The following VGLL3 variants were observed in gnomAD, a reference collection of about 807,000 sequenced individuals.
VGLL3 encodes the protein transcription cofactor vestigial-like protein 3.
In VGLL3, 18 loss-of-function variants were observed where a neutral mutation model predicts 29.2. That is an observed-to-expected ratio of 0.62 (90% CI 0.43 to 0.91). The LOEUF (loss-of-function observed/expected upper bound fraction) is 0.91. Among genes scored for constraint, VGLL3 ranks in the 40% least tolerant of loss-of-function variants. VGLL3 has a pLI of 0.00. For synonymous variants in VGLL3, 180 were observed against 151.8 expected, an observed-to-expected ratio of 1.19 and a Z score of -1.36; for missense variants, 440 against 413.2, an observed-to-expected ratio of 1.06 and a Z score of -0.56.
chr3:86,952,777 A>T lies in VGLL3; in HGVS notation c.938-5710T>A, dbSNP rs541099078. ...TATTACAAAGTTAAATACATACAAC[A>T]CTGTGTCAGATGCTACATCAAAATA... is the stretch of plus-strand genomic sequence containing the variant. On this transcript the variant is annotated intron_variant, in intron 3 of 3. Coordinates refer to ENST00000398399, the MANE Select transcript of VGLL3 (RefSeq NM_016206.4). Among the ~76,000 whole-genome samples, 4 of 152,328 alleles carry T rather than the reference A, an allele frequency of 2.6e-5. No homozygotes were observed. In the South Asian group the frequency reaches 8.3e-4, roughly 32 times the overall value.
At chr3:86,955,526 A>C (rs1478590335) in intron 3 of VGLL3, among the ~76,000 whole-genome samples, 1 of 151,938 alleles carries the variant, frequency 6.6e-6, no homozygotes, top group African/African-American at 2.4e-5. Flanking sequence ...AGTAGCTGGA[A>C]TTACAGGTGT....
rs1704331110 is a variant in VGLL3, at chr3:86,938,852, A to G, written c.*8172T>C. 1 of 152,232 alleles carries G rather than the reference A, an allele frequency of 6.6e-6. No homozygotes were observed. The highest frequency in any genetic ancestry group is 6.5e-5 in the Admixed American group (1 of 15,280). The allele number at this position is 152,232 out of a possible 1,614,324, so 9.4% of individuals were successfully genotyped here. ...TTAGCTATTTAGTCAAATGTGTATAAGCAGGTCAAATAAGATGCTTGGAGA... is the reference window on the plus strand; with the variant it reads ...TTAGCTATTTAGTCAAATGTGTATAGGCAGGTCAAATAAGATGCTTGGAGA... On this transcript the variant is annotated 3_prime_UTR_variant, in exon 4 of 4. Coordinates refer to ENST00000398399, the MANE Select transcript of VGLL3 (RefSeq NM_016206.4).
chr3:86,947,663 T>A (rs1045101746), intron 3 of VGLL3, among the ~76,000 whole-genome samples: 1 of 152,174 alleles, frequency 6.6e-6, no homozygotes, highest in Non-Finnish European at 1.5e-5. Context: ...ATTAATTTAC[T>A]TATTTTATCT....
intron 3 of VGLL3, among the ~76,000 whole-genome samples, chr3:86,954,046 A>G (rs948389004): frequency 1.1e-4 from 17 of 152,202 alleles, no homozygotes; most frequent in African/African-American, 3.6e-4. Context: ...GCAGCATAAT[A>G]ATTTTCTGGC....
At chr3:86,987,297 A>T (rs1705467224) in intron 1 of VGLL3, among the ~76,000 whole-genome samples, 1 of 152,224 alleles carries the variant, frequency 6.6e-6, no homozygotes, top group African/African-American at 2.4e-5. Flanking sequence ...AGAGTTTGAA[A>T]AAACACCTTA....
chr3:86,954,040 C>T (rs571771665), intron 3 of VGLL3, among the ~76,000 whole-genome samples: 69 of 152,304 alleles, frequency 4.5e-4, no homozygotes, highest in African/African-American at 1.6e-3. Context: ...AGCATGGCAG[C>T]ATAATAATTT....
At chr3:86,978,350 T>G (rs1034550827) in intron 2 of VGLL3, among the ~76,000 whole-genome samples, 176 bp downstream of exon 2, 1 of 152,126 alleles carries the variant, frequency 6.6e-6, no homozygotes, top group Non-Finnish European at 1.5e-5. Flanking sequence ...AACCCTACAT[T>G]CCACATGTGA....
rs1476948836 is a variant in VGLL3, at chr3:86,990,809, G to C, written c.-66C>G. ...CTCTACGCGCTGGCGCGAGGGGCGC[G>C]GGCGCCGCCGCCGCCGCAGCTGCCG... On this transcript the variant is annotated 5_prime_UTR_variant, in exon 1 of 4. Transcript: ENST00000398399. 2 of 1,216,014 alleles carry C rather than the reference G, an allele frequency of 1.6e-6. No homozygotes were observed. The highest frequency in any genetic ancestry group is 2.1e-6 in the Non-Finnish European group (2 of 971,426). The allele number at this position is 1,216,014 out of a possible 1,614,324, so 75.3% of individuals were successfully genotyped here. A position where few individuals can be genotyped will look rare whatever the true frequency, so the allele number is the denominator to read the frequency against.
intron 3 of VGLL3, among the ~76,000 whole-genome samples, chr3:86,964,353 T>C (rs562549798): frequency 6.6e-6 from 1 of 152,220 alleles, no homozygotes; most frequent in African/African-American, 2.4e-5. Context: ...GATTATGCCA[T>C]ACATGATATT....
chr3:86,987,314 T>G lies in VGLL3; in HGVS notation c.126+3304A>C, dbSNP rs149831919. On this transcript the variant is annotated intron_variant, in intron 1 of 3. Coordinates refer to ENST00000398399, the MANE Select transcript of VGLL3 (RefSeq NM_016206.4). ...AGTTTGAAAAAACACCTTACAAAAC[T>G]TATAACTGAAGTTCTCCCTCCAAGG... Among the ~76,000 whole-genome samples, 180 of 152,294 alleles carry G rather than the reference T, an allele frequency of 1.2e-3. 1 individual carries two copies. The highest frequency in any genetic ancestry group is 4.2e-3 in the African/African-American group (174 of 41,574).
In VGLL3 at chr3:86,968,698, A is replaced by C. The variant is rs1705015907; in HGVS notation, c.829T>G (p.Cys277Gly). The C allele has an allele frequency of 6.2e-7, 1 of 1,614,172 alleles. No individual in the cohort carries two copies. Residue 277 changes from cysteine (C) to glycine (G), a missense_variant, in exon 3 of 4, where the codon TGT (cysteine) becomes GGT (glycine). Physicochemically the swap from Cys to Gly is radical, Grantham distance 159. Coordinates refer to ENST00000398399, the MANE Select transcript of VGLL3 (RefSeq NM_016206.4). ...VHAARIPAPQ[C>G]DITKTEPTTV... ...GTTGGTTCTGTCTTTGTGATGTCAC[A>C]CTGGGGAGCAGGAATCCTGGCCGCA...
At chr3:86,979,995 C>T (rs1475763124) in intron 1 of VGLL3, among the ~76,000 whole-genome samples, 1 of 151,984 alleles carries the variant, frequency 6.6e-6, no homozygotes, top group African/African-American at 2.4e-5. Flanking sequence ...AGCACATATT[C>T]CATTTATTAT....
intron 1 of VGLL3, among the ~76,000 whole-genome samples, chr3:86,986,959 T>C (rs1440966686): frequency 6.6e-6 from 1 of 152,090 alleles, no homozygotes; most frequent in Non-Finnish European, 1.5e-5. Context: ...ATCTATTGCA[T>C]ATTAATCTTC....
In VGLL3 at chr3:86,946,799, G is replaced by C. The variant is rs1704516629; in HGVS notation, c.*225C>G. 1 of 454,816 alleles carries C rather than the reference G, an allele frequency of 2.2e-6. No individual in the cohort carries two copies. Among genetic ancestry groups the C allele is most frequent in the Non-Finnish European group, 3.9e-6 (1 of 255,742 alleles). The allele number at this position is 454,816 out of a possible 1,614,324, so 28.2% of individuals were successfully genotyped here. A position where few individuals can be genotyped will look rare whatever the true frequency, so the allele number is the denominator to read the frequency against. On this transcript the variant is annotated 3_prime_UTR_variant, in exon 4 of 4. Coordinates refer to ENST00000398399, the MANE Select transcript of VGLL3 (RefSeq NM_016206.4). ...ACAAAAGGAGAGAGTTGCACAGTTG[G>C]CAAAGGCTCAGATGAGGAAATAAAC...
In VGLL3 at chr3:86,948,776, G is replaced by T. The variant is rs138155036; in HGVS notation, c.938-1709C>A. Among the ~76,000 whole-genome samples the T allele has an allele frequency of 1.6e-3, 242 of 151,926 alleles. 1 individual carries two copies. Among genetic ancestry groups the T allele is most frequent in the African/African-American group, 5.6e-3 (234 of 41,428 alleles). ...AGCAATAGTTTTCCTTTCCCATTTC[G>T]AAAGAAGAGGAGGAGAAGGATAAAA... On this transcript the variant is annotated intron_variant, in intron 3 of 3. Coordinates refer to ENST00000398399, the MANE Select transcript of VGLL3 (RefSeq NM_016206.4).
intron 3 of VGLL3, among the ~76,000 whole-genome samples, chr3:86,966,769 GTGTGTATATATATATA>G (rs1376440601): frequency 3.0e-5 from 2 of 65,824 alleles, no homozygotes; most frequent in African/African-American, 1.1e-4. Flanking sequence ...AATAGTGTGT[GTGTGTATATATATATA>G]TATATATATA....
chr3:86,981,762 A>G (rs1337515345), intron 1 of VGLL3, among the ~76,000 whole-genome samples: 2 of 152,194 alleles, frequency 1.3e-5, no homozygotes, highest in Non-Finnish European at 2.9e-5. Context: ...TACCGTTGCC[A>G]CTTGCAATTT....
chr3:86,990,366 G>A, intron 1 of VGLL3: 3 of 985,398 alleles, frequency 3.0e-6, no homozygotes, highest in Non-Finnish European at 3.6e-6. Flanking sequence ...GGGTGCCTAG[G>A]AGGAGCAGCC....
intron 1 of VGLL3, among the ~76,000 whole-genome samples, chr3:86,979,689 A>G (rs1705283250): frequency 6.6e-6 from 1 of 152,184 alleles, no homozygotes. Flanking sequence ...AAGCACAGAA[A>G]AATTAAGTTA....
Sources: gnomAD v4.1 joint callset for allele counts (sites outside exome capture counted in the v4.1 genomes callset) on GRCh38, gnomAD v4.1.1 for gene constraint, MANE v1.5 for transcripts, NCBI Gene and HGNC (gene_info 2026-07-23, HGNC 2026-07-21) for gene names.